TYW1B: variants seen among roughly 807,000 people sequenced by gnomAD.
TYW1B encodes the protein tRNA-yW synthesizing protein 1 homolog B.
A neutral mutation model predicts 86.9 loss-of-function variants in TYW1B; 73 were observed. The ratio of observed to expected loss-of-function variants is 0.84; its 90% CI spans 0.70 to 1.02. The LOEUF (loss-of-function observed/expected upper bound fraction) is 1.02, where lower values mean the gene tolerates loss of function less well. Ranked by LOEUF, TYW1B falls within the 50% of genes least tolerant of loss-of-function variation. TYW1B has a pLI of 0.00. For synonymous variants in TYW1B, 248 were observed against 292.8 expected, an observed-to-expected ratio of 0.85 and a Z score of 1.56; for missense variants, 637 against 827.4, an observed-to-expected ratio of 0.77 and a Z score of 2.82.
intron 2 of TYW1B, among the ~76,000 whole-genome samples, chr7:72,817,032 G>A (rs782692312): frequency 2.0e-5 from 3 of 152,190 alleles, no homozygotes; most frequent in Non-Finnish European, 2.9e-5. Flanking sequence ...GCTGGGACTT[G>A]TGACTGGTGT....
chr7:72,637,284 G>C (rs574121203), intron 11 of TYW1B, among the ~76,000 whole-genome samples: 1 of 151,586 alleles, frequency 6.6e-6, no homozygotes, highest in South Asian at 2.1e-4. Flanking sequence ...GTTTCCTTTG[G>C]ACGAGGTTTT....
intron 11 of TYW1B, among the ~76,000 whole-genome samples, chr7:72,642,643 C>T (rs1263110391): frequency 1.1e-4 from 16 of 152,244 alleles, no homozygotes; most frequent in Non-Finnish European, 2.1e-4. Context: ...TGGCTCACGC[C>T]TGTAATCCCA....
chr7:72,600,843 CAGAG>C lies in TYW1B; in HGVS notation c.1785+15825_1785+15828del, dbSNP rs1464266994. Among the ~76,000 whole-genome samples the C allele has an allele frequency of 3.3e-5, 5 of 151,938 alleles. No individual in the cohort carries two copies. In the South Asian group the frequency reaches 6.2e-4, roughly 19 times the overall value. On this transcript the variant is annotated intron_variant, in intron 13 of 13. Coordinates refer to ENST00000620995, the MANE Select transcript of TYW1B (RefSeq NM_001145440.3). ...TGTCATGGCACTCCAGCCTGGGCGA[CAGAG>C]AGAGACCTTGTCTCTTAAAAAAAAA...
At chr7:72,578,996 C>T (rs1273086945) in intron 13 of TYW1B, among the ~76,000 whole-genome samples, 11 of 152,062 alleles carry the variant, frequency 7.2e-5, no homozygotes, top group Non-Finnish European at 7.4e-5. Flanking sequence ...TAATTATTTG[C>T]CATGGGTGTT....
At chr7:72,612,377 G>A (rs1268053739) in intron 13 of TYW1B, among the ~76,000 whole-genome samples, 1 of 152,096 alleles carries the variant, frequency 6.6e-6, no homozygotes, top group Non-Finnish European at 1.5e-5. Flanking sequence ...AATGCTGAAG[G>A]CAAATGTGGA....
chr7:72,632,321 T>TACACACG (rs1563038459), intron 11 of TYW1B, among the ~76,000 whole-genome samples: 6 of 74,314 alleles, frequency 8.1e-5, no homozygotes, highest in African/African-American at 6.0e-4. Context: ...ATTATATATA[T>TACACACG]TATATATATA....
intron 7 of TYW1B, among the ~76,000 whole-genome samples, chr7:72,766,117 G>A (rs1787764540): frequency 1.3e-5 from 2 of 152,178 alleles, no homozygotes; most frequent in African/African-American, 4.8e-5. Context: ...ATTACAAGCT[G>A]TACACCTGGA....
intron 11 of TYW1B, among the ~76,000 whole-genome samples, chr7:72,691,312 A>C (rs1814154643): frequency 6.6e-6 from 1 of 152,226 alleles, no homozygotes; most frequent in East Asian, 1.9e-4. Flanking sequence ...ATTGCTACAA[A>C]ATGCTCAGAA....
At chr7:72,619,565 C>T (rs1299709769) in intron 12 of TYW1B, among the ~76,000 whole-genome samples, 2 of 147,636 alleles carry the variant, frequency 1.4e-5, no homozygotes, top group African/African-American at 2.5e-5. Flanking sequence ...GGCGTGAACC[C>T]GGGAAGCGGA....
At chr7:72,814,899 T>A (rs1463674816) in intron 3 of TYW1B, among the ~76,000 whole-genome samples, 3 of 137,730 alleles carry the variant, frequency 2.2e-5, no homozygotes, top group Admixed American at 7.4e-5. Flanking sequence ...ACCTCAACTC[T>A]AGCAAAAAAA....
At chr7:72,700,208 T>C (rs1396740616) in intron 10 of TYW1B, among the ~76,000 whole-genome samples, 1 of 112,894 alleles carries the variant, frequency 8.9e-6, no homozygotes, top group Non-Finnish European at 1.7e-5. Flanking sequence ...AGAGTCTCGC[T>C]CTGTCACCCA....
In TYW1B at chr7:72,714,113, T is replaced by C. The variant is rs547069302; in HGVS notation, c.1193-315A>G. Among the ~76,000 whole-genome samples the C allele has an allele frequency of 5.1e-3, 777 of 152,204 alleles. 8 individuals are homozygous for C. The highest frequency in any genetic ancestry group is 0.018 in the African/African-American group (750 of 41,508). Reference sequence around the variant, plus strand: ...AGCTTTGCATTCTTTCATGTTGATCTAAGAAAATGAACTCAGTATATCTGC... The same window carrying C: ...AGCTTTGCATTCTTTCATGTTGATCCAAGAAAATGAACTCAGTATATCTGC... On this transcript the variant is annotated intron_variant, in intron 9 of 13. Coordinates refer to ENST00000620995, the MANE Select transcript of TYW1B (RefSeq NM_001145440.3).
At chr7:72,760,941 C>T (rs1227088976) in intron 7 of TYW1B, among the ~76,000 whole-genome samples, 3 of 152,064 alleles carry the variant, frequency 2.0e-5, no homozygotes, top group Non-Finnish European at 4.4e-5. Context: ...GGTGTATATC[C>T]TGAATTATTG....
intron 6 of TYW1B, among the ~76,000 whole-genome samples, chr7:72,792,196 A>G (rs1314230083): frequency 6.6e-6 from 1 of 151,960 alleles, no homozygotes; most frequent in African/African-American, 2.4e-5. Flanking sequence ...GCATGGTGGC[A>G]TGCACCTGTA....
rs782440740 is a variant in TYW1B at position 72,575,705 on chromosome 7, A to G, written c.1800T>C (p.Gly600=). 83 of 1,598,200 alleles carry G rather than the reference A, an allele frequency of 5.2e-5. No individual in the cohort carries two copies. The highest frequency in any genetic ancestry group is 6.6e-5 in the Non-Finnish European group (77 of 1,172,580). The stretch of plus-strand genomic sequence containing the variant: ...TATAATCGATCCATGTCCACCATTC[A>G]CCACCAATTTTAAACTGGAAAGAAA... ...LIAHRKFKIG[G]EWWTWIDYNR... Residue 600 remains glycine (G), a synonymous_variant, in exon 14 of 14, where the codon GGT becomes GGC. Coordinates refer to ENST00000620995, the MANE Select transcript of TYW1B (RefSeq NM_001145440.3).
intron 11 of TYW1B, among the ~76,000 whole-genome samples, chr7:72,651,057 C>T (rs1190523906): frequency 3.9e-5 from 6 of 152,174 alleles, no homozygotes; most frequent in Non-Finnish European, 7.3e-5. Context: ...TTTTGAAGAA[C>T]ATAGCATGTC....
intron 11 of TYW1B, among the ~76,000 whole-genome samples, chr7:72,646,499 G>A (rs1365921492): frequency 6.6e-6 from 1 of 151,974 alleles, no homozygotes; most frequent in African/African-American, 2.4e-5. Flanking sequence ...AGCCCCCCAA[G>A]CAGCTGGGAC....
At chr7:72,806,402 A>T (rs1423869387) in intron 5 of TYW1B, among the ~76,000 whole-genome samples, 3 of 151,870 alleles carry the variant, frequency 2.0e-5, no homozygotes, top group Non-Finnish European at 2.9e-5. Flanking sequence ...CACCTGGCTA[A>T]TCTTTGTATT....
chr7:72,604,851 C>T (rs1221090907), intron 13 of TYW1B, among the ~76,000 whole-genome samples: 3 of 152,170 alleles, frequency 2.0e-5, no homozygotes, highest in Non-Finnish European at 2.9e-5. Context: ...AACATGCAGG[C>T]TCATTTACCT....
Sources: gnomAD v4.1 joint callset for allele counts (sites outside exome capture counted in the v4.1 genomes callset) on GRCh38, gnomAD v4.1.1 for gene constraint, MANE v1.5 for transcripts, NCBI Gene and HGNC (gene_info 2026-07-23, HGNC 2026-07-21) for gene names.